RAB3IP: variants seen among roughly 807,000 people sequenced by gnomAD.
The protein encoded by RAB3IP is RAB3A interacting protein.
In RAB3IP, 36 loss-of-function variants were observed where a neutral mutation model predicts 59.1. The ratio of observed to expected loss-of-function variants is 0.61; its 90% confidence interval spans 0.47 to 0.80. The LOEUF is 0.80. Ranked by LOEUF, RAB3IP falls within the 30% of genes least tolerant of loss-of-function variation. The pLI, the probability that RAB3IP is intolerant of heterozygous loss-of-function variation, is 0.00. For missense variants in RAB3IP, 511 were observed against 536.0 expected, an observed-to-expected ratio of 0.95 and a Z score of 0.46; for synonymous variants, 207 against 191.2, an observed-to-expected ratio of 1.08 and a Z score of -0.68.
intron 1 of RAB3IP, among the ~76,000 whole-genome samples, chr12:69,749,540 G>T (rs1036784502): frequency 3.9e-5 from 6 of 152,220 alleles, no homozygotes; most frequent in Non-Finnish European, 7.3e-5. Context: ...TTTGACAGAA[G>T]TGGGATTCAA....
At chr12:69,755,045 G>A (rs1869962803) in intron 1 of RAB3IP, among the ~76,000 whole-genome samples, 1 of 151,930 alleles carries the variant, frequency 6.6e-6, no homozygotes, top group Non-Finnish European at 1.5e-5. Flanking sequence ...CTGTGAGATC[G>A]CTTAGTAAAT....
chr12:69,742,364 C>T (rs1650188753), intron 1 of RAB3IP, among the ~76,000 whole-genome samples: 1 of 152,134 alleles, frequency 6.6e-6, no homozygotes. Flanking sequence ...TGCTTTCTAG[C>T]TTGTTTCTCC....
chr12:69,794,384 T>G, intron 4 of RAB3IP, 53 bp from the exon 5 acceptor site: 2 of 1,491,124 alleles, frequency 1.3e-6, no homozygotes, highest in Non-Finnish European at 1.9e-6. Context: ...GCAAGAACTT[T>G]TTGAAAACAA....
chr12:69,802,765 T>G (rs1403576226), intron 8 of RAB3IP, among the ~76,000 whole-genome samples: 7 of 152,214 alleles, frequency 4.6e-5, no homozygotes, highest in Non-Finnish European at 8.8e-5. Flanking sequence ...TTGTTTCTAT[T>G]CCCTGTTACG....
chr12:69,783,167 T>C (rs1395658877), intron 3 of RAB3IP, among the ~76,000 whole-genome samples: 2 of 152,236 alleles, frequency 1.3e-5, no homozygotes, highest in Non-Finnish European at 2.9e-5. Context: ...AAGAGATTCC[T>C]ATGAAAGAAT....
intron 6 of RAB3IP, among the ~76,000 whole-genome samples, chr12:69,798,791 C>T (rs1466639579): frequency 2.0e-5 from 3 of 152,154 alleles, no homozygotes; most frequent in Non-Finnish European, 4.4e-5. Context: ...AATAAATTTG[C>T]ATCTTTCTTA....
At chr12:69,740,866 G>A (rs975787846) in intron 1 of RAB3IP, among the ~76,000 whole-genome samples, 3 of 152,184 alleles carry the variant, frequency 2.0e-5, no homozygotes, top group African/African-American at 7.2e-5. Flanking sequence ...ATGCATTATA[G>A]TAGTTACTAT....
At chr12:69,779,253 A>G (rs1034236891) in intron 3 of RAB3IP, 3 of 142,434 alleles carry the variant, frequency 2.1e-5, no homozygotes, top group Non-Finnish European at 3.1e-5. Flanking sequence ...AGGTGAGGCA[A>G]TGCCTCGCCC....
intron 4 of RAB3IP, among the ~76,000 whole-genome samples, chr12:69,792,418 T>C (rs1487868328): frequency 4.6e-5 from 7 of 152,342 alleles, no homozygotes; most frequent in African/African-American, 1.4e-4. Context: ...GTGTATTGTC[T>C]ATGGCTGCTT....
At position 69,821,468 on chromosome 12, in the gene RAB3IP, A is replaced by AT. The variant is rs1346287330; in HGVS notation, c.*6024dup. On this transcript the variant is annotated 3_prime_UTR_variant, in exon 11 of 11. Coordinates refer to ENST00000247833, the MANE Select transcript of RAB3IP (RefSeq NM_022456.5). ...TCTCAGTGGAGTGCTCTGGATTCTG[A>AT]TTAATAGAGATTTTCTAGTCCTCCC... 6.6e-6 allele frequency: 1 copy of AT among 152,166 alleles called. No individual in the cohort carries two copies. The highest frequency in any genetic ancestry group is 2.4e-5 in the African/African-American group (1 of 41,440). The allele number at this position is 152,166 out of a possible 1,614,324, so 9.4% of individuals were successfully genotyped here.
intron 3 of RAB3IP, among the ~76,000 whole-genome samples, chr12:69,772,360 TTCAG>T (rs1873272841): frequency 6.6e-6 from 1 of 152,182 alleles, no homozygotes; most frequent in Non-Finnish European, 1.5e-5. Context: ...TTTAAATTCA[TTCAG>T]TCACTCCGTC....
chr12:69,742,841 A>C (rs1192489170), intron 1 of RAB3IP, among the ~76,000 whole-genome samples: 1 of 152,236 alleles, frequency 6.6e-6, no homozygotes, highest in Non-Finnish European at 1.5e-5. Context: ...TACATCGTAC[A>C]TAGTCATGGT....
intron 3 of RAB3IP, among the ~76,000 whole-genome samples, chr12:69,768,436 CT>C (rs1795624309): frequency 6.6e-6 from 1 of 152,158 alleles, no homozygotes. Context: ...GCTCCAAATG[CT>C]TGGAGATCTT....
chr12:69,739,996 C>T, intron 1 of RAB3IP: 1 of 829,080 alleles, frequency 1.2e-6, no homozygotes, highest in Non-Finnish European at 2.0e-6. Context: ...ACCCCAACTC[C>T]TTCCGTTCAG....
intron 1 of RAB3IP, among the ~76,000 whole-genome samples, chr12:69,753,975 T>C (rs1565874397): frequency 1.3e-5 from 2 of 152,266 alleles, no homozygotes; most frequent in South Asian, 4.1e-4. Context: ...TGTTAGTGGC[T>C]GGGCTATGAT....
In RAB3IP at chr12:69,746,661, A is replaced by C. The variant is rs1357790045; in HGVS notation, c.-26+7630A>C. 1.3e-5 allele frequency among the ~76,000 whole-genome samples: 2 copies of C among 152,232 alleles called. 1 individual carries two copies. The highest frequency in any genetic ancestry group is 4.1e-4 in the South Asian group (2 of 4,834). On this transcript the variant is annotated intron_variant, in intron 1 of 10. Transcript: ENST00000247833. ...AGAATAAATATAATTTATCACATAT[A>C]TGTATGAAATAAATGTATTTAATAT... is the stretch of plus-strand genomic sequence containing the variant.
At position 69,794,499 on chromosome 12, in the gene RAB3IP, A is replaced by C. The variant is rs1236090396; in HGVS notation, c.669A>C (p.Lys223Asn). 6.2e-7 allele frequency: 1 copy of C among 1,612,850 alleles called. No individual in the cohort carries two copies. The highest frequency in any genetic ancestry group is 1.7e-5 in the Admixed American group (1 of 59,924). ...IKQATAEKQLKEAQGKIDVLQ... is the reference protein window; with the variant it reads ...IKQATAEKQLNEAQGKIDVLQ... Reference sequence around the variant, plus strand: ...AGGCAACAGCAGAAAAACAGCTAAAAGAAGCACAAGGAAAAGTGAGTTTTT... The same window carrying C: ...AGGCAACAGCAGAAAAACAGCTAAACGAAGCACAAGGAAAAGTGAGTTTTT... The change falls in exon 5 of 11, where the codon AAA becomes AAC. Residue 223 changes from lysine to asparagine, a missense_variant. Lys to Asn is a moderately conservative substitution (Grantham distance 94). Coordinates refer to ENST00000247833, the MANE Select transcript of RAB3IP (RefSeq NM_022456.5).
intron 3 of RAB3IP, among the ~76,000 whole-genome samples, chr12:69,763,796 TC>T (rs1592492537): frequency 1.3e-5 from 2 of 152,170 alleles, no homozygotes; most frequent in East Asian, 3.9e-4. Flanking sequence ...TTTCTATTTT[TC>T]CCATCTTTAG....
chr12:69,801,538 G>A (rs1429125523), intron 7 of RAB3IP, 71 bp from the exon 8 acceptor site: 40 of 840,280 alleles, frequency 4.8e-5, no homozygotes, highest in Middle Eastern at 2.6e-4. Flanking sequence ...TATAAAATTC[G>A]TTTACTGTAG....
Sources: allele counts gnomAD v4.1 joint callset (sites outside exome capture counted in the v4.1 genomes callset), GRCh38; gene constraint gnomAD v4.1.1; transcripts MANE v1.5; gene names NCBI Gene and HGNC (gene_info 2026-07-23, HGNC 2026-07-21).